The following THOP1 variants were observed in gnomAD, a reference collection of about 807,000 sequenced individuals.
The protein encoded by THOP1 is thimet oligopeptidase 1, also known as thimet oligopeptidase.
Under a neutral mutation model 71.8 loss-of-function variants are expected in THOP1, and 49 were observed. The observed-to-expected ratio is 0.68, with a 90% CI of 0.54 to 0.87. The LOEUF is 0.87. Ranked by LOEUF, THOP1 falls within the 40% of genes least tolerant of loss-of-function variation. The pLI, the probability that THOP1 is intolerant of heterozygous loss-of-function variation, is 0.00. For missense variants in THOP1, 843 were observed against 975.6 expected (o/e 0.86, Z 1.81); for synonymous variants, 426 against 421.5 (o/e 1.01, Z -0.13).
In THOP1 at chr19:2,813,482, T is replaced by G; in HGVS notation, c.*206T>G. ...GCGTCCTCAAGGCATCTGGAGGGCT[T>G]TCGTGGCTGCCAGGGCCTGGTCTTT... On this transcript the variant is annotated 3_prime_UTR_variant, in exon 13 of 13. Coordinates refer to ENST00000307741, the MANE Select transcript of THOP1 (RefSeq NM_003249.5). 1.7e-6 allele frequency: 1 copy of G among 593,896 alleles called. No individual in the cohort carries two copies. The highest frequency in any genetic ancestry group is 1.9e-5 in the African/African-American group (1 of 54,042). The allele number at this position is 593,896 out of a possible 1,614,324, so 36.8% of individuals were successfully genotyped here. A position where few individuals can be genotyped will look rare whatever the true frequency, so the allele number is the denominator to read the frequency against.
intron 1 of THOP1, among the ~76,000 whole-genome samples, chr19:2,788,066 T>C (rs1344970170): frequency 2.0e-5 from 3 of 152,204 alleles, no homozygotes; most frequent in Admixed American, 6.5e-5. Context: ...CCAAGACTTT[T>C]TGGACAGGAG....
At chr19:2,810,276 ACT>A (rs1568326356) in intron 9 of THOP1, 26 bp from the exon 10 acceptor site, 20 of 1,603,892 alleles carry the variant, frequency 1.2e-5, no homozygotes, top group Non-Finnish European at 1.7e-5. Flanking sequence ...GGACCTGGGC[ACT>A]CTGAGGCTCT....
chr19:2,809,651 T>A (rs967734166), intron 9 of THOP1: 7 of 152,900 alleles, frequency 4.6e-5, no homozygotes, highest in African/African-American at 1.7e-4. Flanking sequence ...AGCACACGCG[T>A]GTGCACATCC....
Position 2,808,240 on chromosome 19 carries a change from C to T in THOP1, c.1254-3C>T. 1 of 1,545,740 alleles carries T rather than the reference C, an allele frequency of 6.5e-7. No individual in the cohort carries two copies. The highest frequency in any genetic ancestry group is 8.7e-7 in the Non-Finnish European group (1 of 1,143,686). ...CGGGGCCTGACGCTGCCTCCCTCCC[C>T]AGGGAAGGAAAGTACGGGCACGCGG... On this transcript the variant is annotated splice_region_variant and splice_polypyrimidine_tract_variant and intron_variant, in intron 8 of 12. Transcript: ENST00000307741.
At position 2,790,561 on chromosome 19, in the gene THOP1, A is replaced by C; in HGVS notation, c.157A>C (p.Thr53Pro). 1 of 1,607,196 alleles carries C rather than the reference A, an allele frequency of 6.2e-7. No homozygotes were observed. Among genetic ancestry groups the C allele is most frequent in the Non-Finnish European group, 8.5e-7 (1 of 1,176,982 alleles). Residue 53 changes from threonine to proline, a missense_variant, in exon 2 of 13, where the codon ACC (threonine) becomes CCC (proline). Coordinates refer to ENST00000307741, the MANE Select transcript of THOP1 (RefSeq NM_003249.5). Reference protein sequence around the residue: ...QTKRVYDQVGTQEFEDVSYES... With the variant: ...QTKRVYDQVGPQEFEDVSYES... ...CAAGCGCGTGTATGACCAGGTTGGC[A>C]CCCAGGAGTTTGAGGACGTGTCCTA...
chr19:2,796,629 TGGGGAGTGCTCAGTTGC>T (rs1461496647), intron 4 of THOP1, among the ~76,000 whole-genome samples: 1 of 142,740 alleles, frequency 7.0e-6, no homozygotes, highest in Non-Finnish European at 1.5e-5. Context: ...TGCTCAGTCC[TGGGGAGTGCTCAGTTGC>T]GGGGAGTGCT....
At chr19:2,812,010 C>T in intron 12 of THOP1, 1 of 1,024,748 alleles carries the variant, frequency 9.8e-7, no homozygotes, top group Non-Finnish European at 1.4e-6. Context: ...CCCACAGCTC[C>T]TCCCTGGGCC....
chr19:2,799,504 C>T (rs745311534), intron 4 of THOP1, among the ~76,000 whole-genome samples, 185 bp from the exon 5 acceptor site: 1 of 152,176 alleles, frequency 6.6e-6, no homozygotes, highest in Non-Finnish European at 1.5e-5. Context: ...TGCGCAGCCT[C>T]GTGGCCTCCG....
Position 2,804,794 on chromosome 19 carries a change from T to A in THOP1, c.590-222T>A. ...GGTTAGAGGCGGGACGTGAGAAACG[T>A]GGCAGGTGGTGGCCAGGCTGTGGGG... On this transcript the variant is annotated intron_variant, in intron 5 of 12. Coordinates refer to ENST00000307741, the MANE Select transcript of THOP1 (RefSeq NM_003249.5). This position sits in a 1 kb window ranked among gnomAD's most constrained non-coding sequence, Gnocchi z 4.7. The A allele has an allele frequency of 3.8e-6, 2 of 523,560 alleles. No homozygotes were observed. Among genetic ancestry groups the A allele is most frequent in the Non-Finnish European group, 6.7e-6 (2 of 297,136 alleles). The allele number at this position is 523,560 out of a possible 1,614,324, so 32.4% of individuals were successfully genotyped here. A position where few individuals can be genotyped will look rare whatever the true frequency, so the allele number is the denominator to read the frequency against.
In THOP1 at chr19:2,810,496, C is replaced by G. The variant is rs1916433217; in HGVS notation, c.1642+6C>G. ...GTCCCGGCAGGCCAACACAGGTGCACCCGCCCCGTCCGGGGAAGGGTGCTA... is the reference window on the plus strand; with the variant it reads ...GTCCCGGCAGGCCAACACAGGTGCAGCCGCCCCGTCCGGGGAAGGGTGCTA... On this transcript the variant is annotated splice_donor_region_variant and intron_variant, in intron 10 of 12. Transcript: ENST00000307741. 1 of 1,546,426 alleles carries G rather than the reference C, an allele frequency of 6.5e-7. No individual in the cohort carries two copies. The highest frequency in any genetic ancestry group is 2.4e-5 in the East Asian group (1 of 41,508).
chr19:2,789,409 C>G (rs1012602856), intron 1 of THOP1, among the ~76,000 whole-genome samples: 8 of 152,354 alleles, frequency 5.3e-5, no homozygotes, highest in African/African-American at 1.7e-4. Context: ...TTCTTGTTTT[C>G]AGGCTCCATT....
At chr19:2,811,996 G>A (rs746302696) in intron 12 of THOP1, 1 of 1,019,840 alleles carries the variant, frequency 9.8e-7, no homozygotes, top group South Asian at 1.8e-5. Flanking sequence ...TTGGTGCGGT[G>A]CTGCCCACAG....
chr19:2,808,798 C>T (rs1211859669), intron 9 of THOP1, among the ~76,000 whole-genome samples: 2 of 152,224 alleles, frequency 1.3e-5, no homozygotes, highest in Non-Finnish European at 2.9e-5. Context: ...TGTGTGGGTC[C>T]CCATCTCGTC....
intron 4 of THOP1, among the ~76,000 whole-genome samples, chr19:2,799,447 C>T (rs753564107): frequency 1.3e-5 from 2 of 152,338 alleles, no homozygotes; most frequent in East Asian, 1.9e-4. Flanking sequence ...TGAGGTTGCC[C>T]GAGGTCACCC....
chr19:2,793,583 G>T (rs898983081), intron 2 of THOP1, among the ~76,000 whole-genome samples: 1 of 152,094 alleles, frequency 6.6e-6, no homozygotes, highest in Non-Finnish European at 1.5e-5. Flanking sequence ...CCAGCTACTC[G>T]GGAGGCCGAG....
At chr19:2,799,167 CAT>C (rs1190596977) in intron 4 of THOP1, among the ~76,000 whole-genome samples, 1 of 152,066 alleles carries the variant, frequency 6.6e-6, no homozygotes, top group African/African-American at 2.4e-5. Flanking sequence ...CTGTACCAAA[CAT>C]ACAAAAATTA....
chr19:2,799,431 C>T (rs1245394131), intron 4 of THOP1, among the ~76,000 whole-genome samples: 1 of 152,226 alleles, frequency 6.6e-6, no homozygotes, highest in African/African-American at 2.4e-5. Context: ...GACCGGAGCA[C>T]ATCCCTGAGG....
chr19:2,810,731 G>T lies in THOP1; in HGVS notation c.1734G>T (p.Arg578=). 1 of 1,598,970 alleles carries T rather than the reference G, an allele frequency of 6.3e-7. No individual in the cohort carries two copies. The highest frequency in any genetic ancestry group is 8.5e-7 in the Non-Finnish European group (1 of 1,173,712). The change falls in exon 11 of 13, where the codon CGG becomes CGT. Residue 578 remains arginine (R), a synonymous_variant. Transcript: ENST00000307741. ...TDADPAEEYA[R]LCQEILGVPA... ...CAGACCCCGCCGAGGAGTATGCGCGGCTCTGCCAGGAGATCCTCGGGGTCC... is the reference window on the plus strand; with the variant it reads ...CAGACCCCGCCGAGGAGTATGCGCGTCTCTGCCAGGAGATCCTCGGGGTCC...
At chr19:2,799,341 G>C (rs767948716) in intron 4 of THOP1, among the ~76,000 whole-genome samples, 30 of 152,176 alleles carry the variant, frequency 2.0e-4, no homozygotes, top group Non-Finnish European at 3.8e-4. Flanking sequence ...ATGTTGAAAA[G>C]CTTAGGCTGC....
Sources: allele counts gnomAD v4.1 joint callset (sites outside exome capture counted in the v4.1 genomes callset), GRCh38; gene constraint gnomAD v4.1.1; non-coding constraint Gnocchi (gnomAD v3.1); transcripts MANE v1.5; gene names NCBI Gene and HGNC (gene_info 2026-07-23, HGNC 2026-07-21).